Variants in PPP4R4 observed in about 807,000 individuals in gnomAD.
PPP4R4 encodes protein phosphatase 4 regulatory subunit 4, also known as serine/threonine-protein phosphatase 4 regulatory subunit 4.
In PPP4R4, 70 loss-of-function variants were observed where a neutral mutation model predicts 121.8. That is an observed-to-expected ratio of 0.57 (90% CI 0.47 to 0.70). The LOEUF (loss-of-function observed/expected upper bound fraction) is 0.70. Among genes scored for constraint, PPP4R4 ranks in the 30% least tolerant of loss-of-function variants. The pLI is 0.00. For synonymous variants in PPP4R4, 348 were observed against 355.7 expected, an observed-to-expected ratio of 0.98 and a Z score of 0.24; for missense variants, 875 against 1,033.6, an observed-to-expected ratio of 0.85 and a Z score of 2.10.
intron 8 of PPP4R4, among the ~76,000 whole-genome samples, chr14:94,239,293 C>T (rs1225643213): frequency 6.6e-6 from 1 of 151,010 alleles, no homozygotes; most frequent in Non-Finnish European, 1.5e-5. Flanking sequence ...TGGTGTGCTG[C>T]ACCCATTAAC....
intron 2 of PPP4R4, among the ~76,000 whole-genome samples, chr14:94,185,141 T>C (rs1889200085): frequency 6.6e-6 from 1 of 152,208 alleles, no homozygotes. Flanking sequence ...TGAGGCTTGC[T>C]CATTTACTTA....
At chr14:94,210,515 T>C (rs1890688280) in intron 3 of PPP4R4, among the ~76,000 whole-genome samples, 1 of 152,106 alleles carries the variant, frequency 6.6e-6, no homozygotes, top group Admixed American at 6.5e-5. Flanking sequence ...AATGAACATG[T>C]ACTAAGGAAA....
chr14:94,188,286 C>A (rs367704941), intron 2 of PPP4R4, among the ~76,000 whole-genome samples: 1 of 151,886 alleles, frequency 6.6e-6, no homozygotes, highest in African/African-American at 2.4e-5. Flanking sequence ...GGAATAAATC[C>A]TACCTGTTCA....
intron 16 of PPP4R4, among the ~76,000 whole-genome samples, chr14:94,255,071 C>G (rs1487586449): frequency 6.6e-6 from 1 of 152,204 alleles, no homozygotes; most frequent in Non-Finnish European, 1.5e-5. Flanking sequence ...CCTGGACAGC[C>G]AACTTATTGA....
At chr14:94,261,469 A>G (rs1348181343) in intron 19 of PPP4R4, among the ~76,000 whole-genome samples, 1 of 151,900 alleles carries the variant, frequency 6.6e-6, no homozygotes, top group African/African-American at 2.4e-5. Context: ...TGTTTTTTAG[A>G]TTTTCTAAAA....
At chr14:94,252,634 G>T (rs1313127124) in intron 16 of PPP4R4, among the ~76,000 whole-genome samples, 1 of 152,098 alleles carries the variant, frequency 6.6e-6, no homozygotes, top group Non-Finnish European at 1.5e-5. Context: ...AGAATGAAAA[G>T]AATGTTAAAC....
intron 3 of PPP4R4, among the ~76,000 whole-genome samples, chr14:94,226,330 C>G (rs1891699176): frequency 6.6e-6 from 1 of 152,122 alleles, no homozygotes; most frequent in African/African-American, 2.4e-5. Context: ...TGTACCTCCT[C>G]ATGAATCTTG....
At chr14:94,235,676 G>A (rs1022340844) in intron 7 of PPP4R4, among the ~76,000 whole-genome samples, 1 of 151,998 alleles carries the variant, frequency 6.6e-6, no homozygotes, top group Non-Finnish European at 1.5e-5. Flanking sequence ...TGGGATTACA[G>A]GTGTGAGCCA....
rs185748079 is a variant in PPP4R4 at position 94,187,123 on chromosome 14, C to T, written c.191+10996C>T. 6.7e-3 allele frequency among the ~76,000 whole-genome samples: 1,022 copies of T among 152,156 alleles called. 11 individuals are homozygous for T. The highest frequency in any genetic ancestry group is 0.022 in the African/African-American group (914 of 41,502). On this transcript the variant is annotated intron_variant, in intron 2 of 24. Transcript: ENST00000304338. The stretch of plus-strand genomic sequence containing the variant: ...AGGCAGGAGTTTGAGACCAGCCTGG[C>T]CAACATGGTGAAACCCTGTCTCTAC...
Position 94,241,867 on chromosome 14 carries a change from T to C in PPP4R4, c.1056T>C (p.Asn352=), listed in dbSNP as rs1892653351. 2 of 1,610,042 alleles carry C rather than the reference T, an allele frequency of 1.2e-6. No individual in the cohort carries two copies. Among genetic ancestry groups the C allele is most frequent in the East Asian group, 4.5e-5 (2 of 44,664 alleles). The change falls in exon 10 of 25, where the codon AAT becomes AAC. Residue 352 remains asparagine, a synonymous_variant. Transcript: ENST00000304338. ...GTACATTGGGTTTGCAACAAGAAAATGGACACAATGAAAACCAGATTCCAC... is the reference window on the plus strand; with the variant it reads ...GTACATTGGGTTTGCAACAAGAAAACGGACACAATGAAAACCAGATTCCAC... ...KLCTLGLQQE[N]GHNENQIPPQ...
intron 14 of PPP4R4, among the ~76,000 whole-genome samples, chr14:94,248,940 A>G (rs949555678): frequency 6.6e-6 from 1 of 151,870 alleles, no homozygotes; most frequent in African/African-American, 2.4e-5. Flanking sequence ...TCTCTTTTAG[A>G]TAAATGTTAT....
Position 94,220,997 on chromosome 14 carries a change from A to G in PPP4R4, c.295-9590A>G, listed in dbSNP as rs555109943. Among the ~76,000 whole-genome samples the G allele has an allele frequency of 3.3e-5, 5 of 152,308 alleles. No individual in the cohort carries two copies. The South Asian group carries it at 8.3e-4, about 25-fold the overall frequency. The stretch of plus-strand genomic sequence containing the variant: ...ATTACCTGATTTCAAGACATAATAT[A>G]TAGCCACAGCAGTTAATACTGTATG... On this transcript the variant is annotated intron_variant, in intron 3 of 24. Coordinates refer to ENST00000304338, the MANE Select transcript of PPP4R4 (RefSeq NM_058237.2).
intron 2 of PPP4R4, among the ~76,000 whole-genome samples, chr14:94,180,637 G>T (rs1462198783): frequency 6.8e-6 from 1 of 147,036 alleles, no homozygotes. Context: ...TAAAGACAGG[G>T]TCTCACTGTG....
chr14:94,255,889 T>A (rs1010234239), intron 16 of PPP4R4, among the ~76,000 whole-genome samples: 1 of 152,158 alleles, frequency 6.6e-6, no homozygotes, highest in African/African-American at 2.4e-5. Flanking sequence ...TCAAAGCCTC[T>A]TATTTACCAC....
At position 94,265,455 on chromosome 14, in the gene PPP4R4, T is replaced by C. The variant is rs1309081604; in HGVS notation, c.2266T>C (p.Ser756Pro). 4 of 1,611,056 alleles carry C rather than the reference T, an allele frequency of 2.5e-6. No individual in the cohort carries two copies. The highest frequency in any genetic ancestry group is 1.7e-5 in the Admixed American group (1 of 59,996). The change falls in exon 21 of 25, where the codon TCT becomes CCT. Residue 756 changes from serine to proline, a missense_variant. Transcript: ENST00000304338. ...NIPISVPGPSSVTPSTSKEIK... is the reference protein window; with the variant it reads ...NIPISVPGPSPVTPSTSKEIK... The stretch of plus-strand genomic sequence containing the variant: ...CCCCATTTCTGTTCCTGGACCCTCT[T>C]CTGTCACCCCATCGACAAGTAAGAA...
rs1008714667 is a variant in PPP4R4 at position 94,247,326 on chromosome 14, G to C, written c.1611+787G>C. Among the ~76,000 whole-genome samples the C allele has an allele frequency of 2.0e-5, 3 of 152,338 alleles. No homozygotes were observed. In the East Asian group the frequency reaches 5.8e-4, roughly 29 times the overall value. ...GCCTCTGGGGCAGATGCTGAGTTGGGGTAGTGCAAGCTGGGTGGGCCCCAC... is the reference window on the plus strand; with the variant it reads ...GCCTCTGGGGCAGATGCTGAGTTGGCGTAGTGCAAGCTGGGTGGGCCCCAC... On this transcript the variant is annotated intron_variant, in intron 14 of 24. Transcript: ENST00000304338.
At chr14:94,227,101 T>G (rs573350444) in intron 3 of PPP4R4, among the ~76,000 whole-genome samples, 1 of 152,332 alleles carries the variant, frequency 6.6e-6, no homozygotes, top group South Asian at 2.1e-4. Flanking sequence ...TACTGCACTT[T>G]CCTTCCTTGA....
At chr14:94,278,173 G>A (rs2139679209) in intron 24 of PPP4R4, among the ~76,000 whole-genome samples, 1 of 152,268 alleles carries the variant, frequency 6.6e-6, no homozygotes, top group East Asian at 1.9e-4. Flanking sequence ...CAAATTCTAT[G>A]CAATACATTC....
Position 94,201,934 on chromosome 14 carries a change from G to GTA in PPP4R4, c.192-6521_192-6520dup, listed in dbSNP as rs1472552478. ...GAGTAGATAAAGAAAATGTGTGTGTGTATATATATAAATATATATATATAC... is the reference window on the plus strand; with the variant it reads ...GAGTAGATAAAGAAAATGTGTGTGTGTATATATATATAAATATATATATATAC... On this transcript the variant is annotated intron_variant, in intron 2 of 24. Transcript: ENST00000304338. Among the ~76,000 whole-genome samples, 8 of 147,724 alleles carry GTA rather than the reference G, an allele frequency of 5.4e-5. No homozygotes were observed. In the East Asian group the frequency reaches 9.7e-4, roughly 18 times the overall value.
Sources: gnomAD v4.1 joint callset for allele counts (sites outside exome capture counted in the v4.1 genomes callset) on GRCh38, gnomAD v4.1.1 for gene constraint, MANE v1.5 for transcripts, NCBI Gene and HGNC (gene_info 2026-07-23, HGNC 2026-07-21) for gene names.